R3HCC1L: variants seen among roughly 807,000 people sequenced by gnomAD.
The protein encoded by R3HCC1L is coiled-coil domain-containing protein R3HCC1L.
A neutral mutation model predicts 59.9 loss-of-function variants in R3HCC1L; 51 were observed. That is an observed-to-expected ratio of 0.85 (90% CI 0.68 to 1.07). The LOEUF (loss-of-function observed/expected upper bound fraction) is 1.07, where lower values mean the gene tolerates loss of function less well. Among genes scored for constraint, R3HCC1L ranks in the 50% least tolerant of loss-of-function variants. R3HCC1L has a pLI of 0.00. For synonymous variants in R3HCC1L, 322 were observed against 315.2 expected, an observed-to-expected ratio of 1.02 and a Z score of -0.23; for missense variants, 965 against 933.0, an observed-to-expected ratio of 1.03 and a Z score of -0.45.
intron 4 of R3HCC1L, among the ~76,000 whole-genome samples, chr10:98,183,220 A>G (rs1322898028): frequency 1.3e-5 from 2 of 152,028 alleles, no homozygotes; most frequent in African/African-American, 4.8e-5. Flanking sequence ...AATTTGAAAT[A>G]TATTTTCATG....
At chr10:98,191,427 T>C (rs769604404) in intron 4 of R3HCC1L, among the ~76,000 whole-genome samples, 10 of 143,376 alleles carry the variant, frequency 7.0e-5, no homozygotes, top group Admixed American at 4.8e-4. Context: ...TTTTTTCATG[T>C]GTCTGTTGGC....
chr10:98,139,078 G>A lies in R3HCC1L; in HGVS notation c.-268+4372G>A, dbSNP rs1031710243. Among the ~76,000 whole-genome samples, 11 of 152,210 alleles carry A rather than the reference G, an allele frequency of 7.2e-5. No homozygotes were observed. In the South Asian group the frequency reaches 2.1e-3, roughly 29 times the overall value. ...AGCCAAGGTTAAGGTTGTTGACTGT[G>A]ACCATGGAACCTAGAAACACACAGC... On this transcript the variant is annotated intron_variant, in intron 1 of 9. Coordinates refer to ENST00000298999, the MANE Select transcript of R3HCC1L (RefSeq NM_001351015.2).
chr10:98,230,640 G>A (rs1252119775), intron 5 of R3HCC1L, among the ~76,000 whole-genome samples: 1 of 152,016 alleles, frequency 6.6e-6, no homozygotes, highest in Non-Finnish European at 1.5e-5. Context: ...GTTTGTTCTT[G>A]CTTCTCTAGT....
intron 4 of R3HCC1L, among the ~76,000 whole-genome samples, chr10:98,180,873 C>G (rs1006410749): frequency 6.6e-6 from 1 of 152,022 alleles, no homozygotes; most frequent in African/African-American, 2.4e-5. Flanking sequence ...GATTGCAACC[C>G]TTGCTTTTTT....
chr10:98,186,408 G>C, intron 4 of R3HCC1L: 2 of 664,696 alleles, frequency 3.0e-6, no homozygotes, highest in South Asian at 1.3e-4. Context: ...TCAAATAGCT[G>C]TTCCATGTAG....
At chr10:98,142,979 CAGA>C (rs1048621412) in intron 1 of R3HCC1L, among the ~76,000 whole-genome samples, 29 of 149,168 alleles carry the variant, frequency 1.9e-4, no homozygotes, top group Non-Finnish European at 3.0e-4. Context: ...AAAAAAAAAA[CAGA>C]AGAAGAAGAA....
chr10:98,152,557 C>T (rs1308210744), intron 1 of R3HCC1L, among the ~76,000 whole-genome samples: 1 of 129,800 alleles, frequency 7.7e-6, no homozygotes, highest in East Asian at 2.4e-4. Context: ...GCGCCTCTTC[C>T]CGGCCGCCAT....
At position 98,208,360 on chromosome 10, in the gene R3HCC1L, T is replaced by C; in HGVS notation, c.246T>C (p.Cys82=). 6.2e-7 allele frequency: 1 copy of C among 1,614,064 alleles called. No individual in the cohort carries two copies. The highest frequency in any genetic ancestry group is 8.5e-7 in the Non-Finnish European group (1 of 1,180,000). Residue 82 remains cysteine, a synonymous_variant, in exon 5 of 10, where the codon TGT becomes TGC. Coordinates refer to ENST00000298999, the MANE Select transcript of R3HCC1L (RefSeq NM_001351015.2). ...NINPDRKEHN[C]REEKKSSTKL... The stretch of plus-strand genomic sequence containing the variant: ...ATCCTGATAGAAAGGAGCATAATTG[T>C]AGAGAAGAAAAGAAATCTTCAACAA...
intron 4 of R3HCC1L, among the ~76,000 whole-genome samples, chr10:98,200,568 A>C (rs890421971): frequency 1.3e-5 from 2 of 152,162 alleles, no homozygotes; most frequent in African/African-American, 4.8e-5. Flanking sequence ...TAAGTAAACT[A>C]AGGCTTAGAG....
chr10:98,212,624 A>G (rs919213184), intron 5 of R3HCC1L, among the ~76,000 whole-genome samples: 1 of 152,222 alleles, frequency 6.6e-6, no homozygotes, highest in Non-Finnish European at 1.5e-5. Flanking sequence ...GAAGGAGATG[A>G]TATTGGCATG....
intron 4 of R3HCC1L, among the ~76,000 whole-genome samples, chr10:98,192,353 A>G (rs1395153453): frequency 6.6e-6 from 1 of 152,114 alleles, no homozygotes; most frequent in Non-Finnish European, 1.5e-5. Flanking sequence ...TAAAGAAACT[A>G]AATAGTTTGG....
In R3HCC1L at chr10:98,208,166, G is replaced by C; in HGVS notation, c.52G>C (p.Ala18Pro). ...CRVRARRPDMALYVPKARRGA... is the reference protein window; with the variant it reads ...CRVRARRPDMPLYVPKARRGA... ...AGTTAGAGCCAGAAGGCCTGACATG[G>C]CACTTTATGTACCTAAAGCTCGTAG... Residue 18 changes from alanine (A) to proline (P), a missense_variant, in exon 5 of 10, where the codon GCA (alanine) becomes CCA (proline). By Grantham distance (27) the Ala-to-Pro change is conservative. Transcript: ENST00000298999. The C allele has an allele frequency of 6.2e-7, 1 of 1,613,792 alleles. No individual in the cohort carries two copies. The highest frequency in any genetic ancestry group is 8.5e-7 in the Non-Finnish European group (1 of 1,179,866).
At chr10:98,154,261 A>AT (rs1846612267) in intron 1 of R3HCC1L, among the ~76,000 whole-genome samples, 2 of 150,402 alleles carry the variant, frequency 1.3e-5, no homozygotes, top group Admixed American at 1.3e-4. Flanking sequence ...CATGTGAGGC[A>AT]TTGTGGGGAG....
chr10:98,149,051 T>C lies in R3HCC1L; in HGVS notation c.-267-7042T>C, dbSNP rs562254306. On this transcript the variant is annotated intron_variant, in intron 1 of 9. Transcript: ENST00000298999. ...ACGGCTTCAATCTGGCTATTTCTTA[T>C]TGGTTTGTTGAGTTTTTCTGTTTCT... 2.6e-5 allele frequency among the ~76,000 whole-genome samples: 4 copies of C among 152,304 alleles called. No homozygotes were observed. In the South Asian group the frequency reaches 6.2e-4, roughly 24 times the overall value.
chr10:98,206,643 T>C (rs879910710), intron 4 of R3HCC1L, among the ~76,000 whole-genome samples: 70 of 152,302 alleles, frequency 4.6e-4, no homozygotes, highest in Non-Finnish European at 9.1e-4. Flanking sequence ...AGTCCACTTA[T>C]CAGTTTTGCT....
At chr10:98,149,362 C>T (rs909201222) in intron 1 of R3HCC1L, among the ~76,000 whole-genome samples, 1 of 152,056 alleles carries the variant, frequency 6.6e-6, no homozygotes, top group Non-Finnish European at 1.5e-5. Context: ...TATTTCTGCT[C>T]TGATCTTTAT....
intron 9 of R3HCC1L, among the ~76,000 whole-genome samples, chr10:98,242,459 G>C (rs1857638927): frequency 6.6e-6 from 1 of 152,180 alleles, no homozygotes; most frequent in South Asian, 2.1e-4. Context: ...CAGAGTGTGT[G>C]ACTGTTCACA....
chr10:98,193,805 T>C (rs767044352), intron 4 of R3HCC1L, among the ~76,000 whole-genome samples: 15 of 152,150 alleles, frequency 9.9e-5, no homozygotes, highest in Non-Finnish European at 1.8e-4. Context: ...TTAGGATTCT[T>C]GTACTAGGGC....
chr10:98,149,602 A>T (rs923300322), intron 1 of R3HCC1L, among the ~76,000 whole-genome samples: 9 of 152,204 alleles, frequency 5.9e-5, no homozygotes, highest in Non-Finnish European at 1.0e-4. Context: ...TTCATTGATC[A>T]TTCAGATGTT....
Sources: gnomAD v4.1 joint callset for allele counts (sites outside exome capture counted in the v4.1 genomes callset) on GRCh38, gnomAD v4.1.1 for gene constraint, MANE v1.5 for transcripts, NCBI Gene and HGNC (gene_info 2026-07-23, HGNC 2026-07-21) for gene names.